The following FOXP2 variants were observed in gnomAD, a reference collection of about 807,000 sequenced individuals.
The protein encoded by FOXP2 is forkhead box protein P2.
FOXP2 carries 12 observed loss-of-function variants against 115.8 expected under a neutral mutation model. The observed-to-expected ratio is 0.10, with a 90% CI of 0.07 to 0.17. The LOEUF (loss-of-function observed/expected upper bound fraction) is 0.17, where lower values mean the gene tolerates loss of function less well. Among genes scored for constraint, FOXP2 ranks in the 10% least tolerant of loss-of-function variants. FOXP2 has a pLI of 1.00. For missense variants in FOXP2, 629 were observed against 843.5 expected, an observed-to-expected ratio of 0.75 and a Z score of 3.15; for synonymous variants, 328 against 297.7, an observed-to-expected ratio of 1.10 and a Z score of -1.05.
At chr7:114,348,919 A>C (rs1040763294) in intron 2 of FOXP2, among the ~76,000 whole-genome samples, 1 of 152,060 alleles carries the variant, frequency 6.6e-6, no homozygotes, top group Admixed American at 6.6e-5. Context: ...TTTTTTTCTC[A>C]AAGCAAAATG....
At chr7:114,673,642 G>A (rs898283290) in intron 16 of FOXP2, among the ~76,000 whole-genome samples, 6 of 152,142 alleles carry the variant, frequency 3.9e-5, no homozygotes, top group African/African-American at 1.4e-4. Flanking sequence ...TATGCATGCA[G>A]TTTATAAAAT....
chr7:114,680,381 A>G (rs1808022734), intron 16 of FOXP2, among the ~76,000 whole-genome samples: 1 of 152,198 alleles, frequency 6.6e-6, no homozygotes, highest in African/African-American at 2.4e-5. Context: ...CCAAATGGGT[A>G]ATTTGCACTA....
At chr7:114,520,537 G>GT (rs1798570857) in intron 2 of FOXP2, among the ~76,000 whole-genome samples, 3 of 151,954 alleles carry the variant, frequency 2.0e-5, no homozygotes, top group African/African-American at 7.2e-5. Flanking sequence ...ATATTAATTT[G>GT]ATAGACTTAA....
chr7:114,398,374 T>C (rs984197618), intron 2 of FOXP2, among the ~76,000 whole-genome samples: 2 of 152,098 alleles, frequency 1.3e-5, no homozygotes, highest in Admixed American at 6.5e-5. Flanking sequence ...GATCAGATTA[T>C]ATAAAAATGA....
At chr7:114,225,887 C>CA (rs1250307736) in intron 1 of FOXP2, among the ~76,000 whole-genome samples, 2 of 152,010 alleles carry the variant, frequency 1.3e-5, no homozygotes, top group African/African-American at 2.4e-5. Flanking sequence ...GGTTGTCTAC[C>CA]AAAAAACTTT....
At chr7:114,304,993 T>G (rs1176483617) in intron 2 of FOXP2, among the ~76,000 whole-genome samples, 1 of 152,178 alleles carries the variant, frequency 6.6e-6, no homozygotes. Flanking sequence ...TATAAAATTT[T>G]TACTATGCTG....
intron 1 of FOXP2, among the ~76,000 whole-genome samples, chr7:114,261,827 G>A (rs1222874778): frequency 6.6e-6 from 1 of 152,100 alleles, no homozygotes; most frequent in Non-Finnish European, 1.5e-5. Flanking sequence ...GGGAGGTCGA[G>A]GTGTTTGAAT....
intron 2 of FOXP2, among the ~76,000 whole-genome samples, chr7:114,517,881 A>G (rs1798422046): frequency 6.6e-6 from 1 of 152,180 alleles, no homozygotes; most frequent in South Asian, 2.1e-4. Flanking sequence ...TTGAATTTTG[A>G]TAGCAATTGT....
chr7:114,205,828 A>G (rs1794187328), intron 1 of FOXP2, among the ~76,000 whole-genome samples: 1 of 152,128 alleles, frequency 6.6e-6, no homozygotes, highest in Non-Finnish European at 1.5e-5. Flanking sequence ...TCATTGGATG[A>G]AGGCTATTCT....
intron 3 of FOXP2, among the ~76,000 whole-genome samples, chr7:114,553,945 A>T (rs1463334402): frequency 6.6e-6 from 1 of 152,026 alleles, no homozygotes; most frequent in Non-Finnish European, 1.5e-5. Flanking sequence ...TTCCTTATTG[A>T]TGTTTTCTAG....
At chr7:114,157,235 G>A (rs1487665056) in intron 1 of FOXP2, among the ~76,000 whole-genome samples, 1 of 152,072 alleles carries the variant, frequency 6.6e-6, no homozygotes, top group African/African-American at 2.4e-5. Flanking sequence ...TAAATTAAAT[G>A]TTAGAAATCA....
chr7:114,318,907 G>C (rs1022852081), intron 2 of FOXP2, among the ~76,000 whole-genome samples: 3 of 152,026 alleles, frequency 2.0e-5, no homozygotes, highest in African/African-American at 4.8e-5. Context: ...AAATATTCTA[G>C]TTTAGTGTAG....
Position 114,176,793 on chromosome 7 carries a change from C to T in FOXP2, c.-102+13705C>T, listed in dbSNP as rs1490171547. On this transcript the variant is annotated intron_variant, in intron 1 of 17. Coordinates refer to the FOXP2 transcript ENST00000634411. ...ACACTTGTGTAACCGGTGCCTAGCT[C>T]CAGTAACACATTTGTTTGTACTCTA... Among the ~76,000 whole-genome samples the T allele has an allele frequency of 3.9e-5, 6 of 151,930 alleles. No homozygotes were observed. The East Asian group carries it at 9.7e-4, about 25-fold the overall frequency.
intron 1 of FOXP2, among the ~76,000 whole-genome samples, chr7:114,235,668 A>C (rs1311412873): frequency 6.6e-6 from 1 of 152,278 alleles, no homozygotes; most frequent in South Asian, 2.1e-4. Flanking sequence ...TACTGTTCTC[A>C]ATCATGAACA....
At chr7:114,629,515 C>A in intron 4 of FOXP2, 1 of 1,256,392 alleles carries the variant, frequency 8.0e-7, no homozygotes, top group Non-Finnish European at 1.1e-6. Flanking sequence ...GTCAGTAGGA[C>A]TTCAGATGTA....
At chr7:114,284,445 A>G (rs886703010) in intron 1 of FOXP2, among the ~76,000 whole-genome samples, 2 of 152,056 alleles carry the variant, frequency 1.3e-5, no homozygotes, top group African/African-American at 2.4e-5. Context: ...TCTCTAGTTC[A>G]GTTTCTGTCT....
chr7:114,385,991 G>C (rs926020221), intron 2 of FOXP2, among the ~76,000 whole-genome samples: 1 of 152,238 alleles, frequency 6.6e-6, no homozygotes, highest in African/African-American at 2.4e-5. Flanking sequence ...ATGGAACCCA[G>C]TGACTAGTGT....
At chr7:114,086,447 G>A (rs1258406460), upstream of FOXP2, 3 of 339,572 alleles carry the variant, frequency 8.8e-6, no homozygotes, top group African/African-American at 4.6e-5. Context: ...TGCGGCGGCC[G>A]CGTCCGCTGG....
chr7:114,387,042 G>T (rs985181772), intron 2 of FOXP2, among the ~76,000 whole-genome samples: 1 of 152,142 alleles, frequency 6.6e-6, no homozygotes, highest in African/African-American at 2.4e-5. Flanking sequence ...AGTCTTCTGT[G>T]ACACATTACT....
Sources: gnomAD v4.1 joint callset for allele counts (sites outside exome capture counted in the v4.1 genomes callset) on GRCh38, gnomAD v4.1.1 for gene constraint, MANE v1.5 for transcripts, NCBI Gene and HGNC (gene_info 2026-07-23, HGNC 2026-07-21) for gene names.